PREX1: variants seen among roughly 807,000 people sequenced by gnomAD.
The protein encoded by PREX1 is phosphatidylinositol 3,4,5-trisphosphate-dependent Rac exchanger 1 protein.
In PREX1, 41 loss-of-function variants were observed where a neutral mutation model predicts 198.3. The ratio of observed to expected loss-of-function variants is 0.21; its 90% CI spans 0.16 to 0.27. The LOEUF is 0.27. PREX1 is among the 10% of genes least tolerant of loss of function. The probability of loss-of-function intolerance (pLI) is 1.00; values close to 1 mark genes in which losing one functional copy is unlikely to be tolerated. For missense variants in PREX1, 1,620 were observed against 2,200.7 expected (o/e 0.74, Z 5.28); for synonymous variants, 843 against 887.2 (o/e 0.95, Z 0.89).
At chr20:48,759,716 T>C (rs2090170974) in intron 1 of PREX1, among the ~76,000 whole-genome samples, 1 of 152,032 alleles carries the variant, frequency 6.6e-6, no homozygotes, top group Admixed American at 6.6e-5. Flanking sequence ...ATAAAATGAG[T>C]ACACAGGATT....
chr20:48,670,299 T>TCTGCCC (rs57096004), intron 14 of PREX1, among the ~76,000 whole-genome samples: 119 of 145,194 alleles, frequency 8.2e-4, no homozygotes, highest in East Asian at 4.8e-3. Context: ...CCAACCCCTC[T>TCTGCCC]CTGCCCCTGC....
At chr20:48,753,798 A>G (rs1199090404) in intron 1 of PREX1, among the ~76,000 whole-genome samples, 1 of 152,170 alleles carries the variant, frequency 6.6e-6, no homozygotes, top group South Asian at 2.1e-4. Context: ...AATTGGCAGG[A>G]GAGGTCCCTC....
intron 1 of PREX1, among the ~76,000 whole-genome samples, chr20:48,790,504 C>T (rs6012529): frequency 4.6e-5 from 7 of 151,360 alleles, no homozygotes; most frequent in Non-Finnish European, 1.0e-4. Flanking sequence ...AACATGAGTG[C>T]GGAAAAAAAA....
rs997289797 is a variant in PREX1, at chr20:48,684,302, T to A, written c.1335-2967A>T. The stretch of plus-strand genomic sequence containing the variant: ...ACAAGAATCCCTTGTTCTTGCCTGA[T>A]TCCTCCATGGGCCGTGGGCTCCAAG... On this transcript the variant is annotated intron_variant, in intron 10 of 39. Transcript: ENST00000371941. This position sits in a 1 kb window ranked among gnomAD's most constrained non-coding sequence, Gnocchi z 4.2. Among the ~76,000 whole-genome samples, 3 of 152,142 alleles carry A rather than the reference T, an allele frequency of 2.0e-5. No homozygotes were observed. In the South Asian group the frequency reaches 6.2e-4, roughly 31 times the overall value.
chr20:48,866,129 T>C, the PREX1 span, among the ~76,000 whole-genome samples: 4 of 152,146 alleles, frequency 2.6e-5, no homozygotes, highest in African/African-American at 7.2e-5. Flanking sequence ...TTAAAGTTTT[T>C]GTAGAGACAA....
At chr20:48,656,810 G>A (rs1017081757) in intron 18 of PREX1, among the ~76,000 whole-genome samples, 1 of 152,186 alleles carries the variant, frequency 6.6e-6, no homozygotes, top group Non-Finnish European at 1.5e-5. Flanking sequence ...TGAATGGCAG[G>A]AACCGCATGC....
At chr20:48,819,270 T>TCC (rs1002302165) in intron 1 of PREX1, among the ~76,000 whole-genome samples, 9 of 152,088 alleles carry the variant, frequency 5.9e-5, no homozygotes, top group African/African-American at 2.2e-4. Flanking sequence ...TCCCTTACTC[T>TCC]CCCCTCCAGC....
At chr20:48,794,679 G>A (rs78831658) in intron 1 of PREX1, among the ~76,000 whole-genome samples, 1 of 152,210 alleles carries the variant, frequency 6.6e-6, no homozygotes, top group African/African-American at 2.4e-5. Flanking sequence ...CCATGGCCAC[G>A]GAGACAAAGA....
the PREX1 span, among the ~76,000 whole-genome samples, chr20:48,887,271 A>G: frequency 2.0e-5 from 3 of 152,202 alleles, no homozygotes; most frequent in Non-Finnish European, 4.4e-5. Flanking sequence ...CATGGAAAGC[A>G]CTTTATTTAA....
At chr20:48,627,422 T>C in intron 39 of PREX1, 126 bp downstream of exon 39, 1 of 1,068,844 alleles carries the variant, frequency 9.4e-7, no homozygotes, top group Non-Finnish European at 1.4e-6. Flanking sequence ...TCAAAGAGGT[T>C]CCCCATAAAT....
the PREX1 span, among the ~76,000 whole-genome samples, chr20:48,875,292 C>T: frequency 1.3e-5 from 2 of 152,114 alleles, no homozygotes; most frequent in Non-Finnish European, 2.9e-5. Context: ...GCAGAGGGAA[C>T]GGCGGGTGCG....
intron 1 of PREX1, among the ~76,000 whole-genome samples, chr20:48,764,864 C>T (rs547552620): frequency 3.8e-4 from 57 of 151,154 alleles, no homozygotes; most frequent in African/African-American, 1.2e-3. Flanking sequence ...GACCAGAAGA[C>T]GCTATGCTGC....
chr20:48,644,748 C>T (rs548141053), intron 26 of PREX1, among the ~76,000 whole-genome samples: 9 of 152,204 alleles, frequency 5.9e-5, no homozygotes, highest in Admixed American at 3.3e-4. Flanking sequence ...AGGAGGAAGA[C>T]GGTGAATCAT....
chr20:48,886,839 G>A, the PREX1 span, among the ~76,000 whole-genome samples: 414 of 152,296 alleles, frequency 2.7e-3, 4 homozygotes, highest in African/African-American at 9.3e-3. Flanking sequence ...CATAAAACCA[G>A]TCAATCTGTT....
chr20:48,844,104 C>T, the PREX1 span, among the ~76,000 whole-genome samples: 1 of 151,940 alleles, frequency 6.6e-6, no homozygotes, highest in Non-Finnish European at 1.5e-5. Flanking sequence ...TGCACCACTG[C>T]ACTCCAGCCT....
intron 5 of PREX1, among the ~76,000 whole-genome samples, chr20:48,712,288 G>A (rs759576880): frequency 6.6e-6 from 1 of 152,162 alleles, no homozygotes; most frequent in Non-Finnish European, 1.5e-5. Flanking sequence ...CCAAGGGCAC[G>A]GACAGCTAAG....
intron 6 of PREX1, 72 bp from the exon 7 acceptor site, chr20:48,700,958 C>G: frequency 2.5e-6 from 4 of 1,595,128 alleles, no homozygotes; most frequent in Non-Finnish European, 3.4e-6. Context: ...GAGACAGAAC[C>G]TACTACCACC....
At chr20:48,663,509 A>G (rs956749886) in intron 15 of PREX1, among the ~76,000 whole-genome samples, 1 of 152,160 alleles carries the variant, frequency 6.6e-6, no homozygotes, top group Non-Finnish European at 1.5e-5. Flanking sequence ...CCTGGGTGAC[A>G]AGAGTGAGAC....
At chr20:48,639,585 T>C (rs2089392451) in intron 30 of PREX1, among the ~76,000 whole-genome samples, 181 bp downstream of exon 30, 1 of 152,058 alleles carries the variant, frequency 6.6e-6, no homozygotes, top group South Asian at 2.1e-4. Flanking sequence ...ACTCCTGGGC[T>C]CAAGTCACAT....
Sources: gnomAD v4.1 joint callset for allele counts (sites outside exome capture counted in the v4.1 genomes callset) on GRCh38, gnomAD v4.1.1 for gene constraint, Gnocchi (gnomAD v3.1) non-coding constraint, MANE v1.5 for transcripts, NCBI Gene and HGNC (gene_info 2026-07-23, HGNC 2026-07-21) for gene names.